ANK3: variants seen among roughly 807,000 people sequenced by gnomAD.
ANK3 encodes the protein ankyrin-3.
Under a neutral mutation model 370.9 loss-of-function variants are expected in ANK3, and 57 were observed. The ratio of observed to expected loss-of-function variants is 0.15; its 90% CI spans 0.12 to 0.19. The LOEUF (loss-of-function observed/expected upper bound fraction) is 0.19, where lower values mean the gene tolerates loss of function less well. ANK3 is among the 10% of genes least tolerant of loss of function. The pLI, the probability that ANK3 is intolerant of heterozygous loss-of-function variation, is 1.00. For missense variants in ANK3, 4,439 were observed against 5,302.1 expected, an observed-to-expected ratio of 0.84 and a Z score of 5.06; for synonymous variants, 1,929 against 1,946.3, an observed-to-expected ratio of 0.99 and a Z score of 0.23.
chr10:60,518,070 T>G (rs1468373413), intron 2 of ANK3, among the ~76,000 whole-genome samples: 2 of 152,100 alleles, frequency 1.3e-5, no homozygotes, highest in Non-Finnish European at 2.9e-5. Context: ...AAATACTGAA[T>G]AAATGTAGCC....
intron 8 of ANK3, among the ~76,000 whole-genome samples, chr10:60,224,115 G>A (rs1042357845): frequency 6.6e-6 from 1 of 152,070 alleles, no homozygotes; most frequent in Admixed American, 6.6e-5. Context: ...AATTTCGGGG[G>A]ATTGAGGGAG....
At position 60,573,074 on chromosome 10, in the gene ANK3, G is replaced by T. The variant is rs923226884; in HGVS notation, c.96+42112C>A. The T allele has an allele frequency of 4.6e-6, 4 of 867,352 alleles. No homozygotes were observed. In the African/African-American group the frequency reaches 5.5e-5, roughly 12 times the overall value. The allele number at this position is 867,352 out of a possible 1,614,324, so 53.7% of individuals were successfully genotyped here. On this transcript the variant is annotated intron_variant, in intron 2 of 43. Coordinates refer to the ANK3 transcript ENST00000373827. Reference sequence around the variant, plus strand: ...TCCCATACTAACACATGTGTTGAATGCATCAGGGCATACCGGAGGAGGCAG... The same window carrying T: ...TCCCATACTAACACATGTGTTGAATTCATCAGGGCATACCGGAGGAGGCAG...
intron 2 of ANK3, among the ~76,000 whole-genome samples, chr10:60,397,483 T>C (rs1357238405): frequency 6.6e-6 from 1 of 152,176 alleles, no homozygotes; most frequent in Non-Finnish European, 1.5e-5. Context: ...ATAAGCAATG[T>C]CTATGAAGCA....
intron 20 of ANK3, 45 bp downstream of exon 20, chr10:60,172,855 C>T: frequency 7.7e-7 from 1 of 1,292,056 alleles, no homozygotes; most frequent in Non-Finnish European, 1.1e-6. Context: ...AGTCCAGGCC[C>T]ATCTATCTCC....
chr10:60,209,687 C>T (rs10740015), intron 9 of ANK3, among the ~76,000 whole-genome samples: 76,076 of 151,986 alleles, frequency 0.5, 20,420 homozygotes, highest in East Asian at 0.79. Context: ...ATTTGAGATA[C>T]TGCTACCCAC....
At chr10:60,089,833 T>A (rs1340788953) in intron 28 of ANK3, among the ~76,000 whole-genome samples, 6 of 152,074 alleles carry the variant, frequency 3.9e-5, no homozygotes, top group African/African-American at 1.4e-4. Context: ...ACATATACTT[T>A]TATATATGTA....
Position 60,315,418 on chromosome 10 carries a change from C to T in ANK3, c.115-35779G>A, listed in dbSNP as rs187202361. On this transcript the variant is annotated intron_variant, in intron 1 of 43. Coordinates refer to ENST00000280772, the MANE Select transcript of ANK3 (RefSeq NM_020987.5). ...GTTAAATCCAGTAAATGCAATGACC[C>T]TTCCAAGAACCCAAGAAGAAGTTGG... 5.4e-3 allele frequency among the ~76,000 whole-genome samples: 827 copies of T among 152,146 alleles called. 7 individuals carry two copies. Among genetic ancestry groups the T allele is most frequent in the Non-Finnish European group, 5.2e-3 (352 of 68,022 alleles).
chr10:60,034,145 C>T (rs1440066245), intron 43 of ANK3, among the ~76,000 whole-genome samples: 7 of 116,982 alleles, frequency 6.0e-5, no homozygotes, highest in East Asian at 2.5e-4. Context: ...CTTGCTCTGT[C>T]GCCCATGCTG....
chr10:60,195,975 T>C (rs1270259831), intron 16 of ANK3, among the ~76,000 whole-genome samples, 170 bp downstream of exon 16: 2 of 152,208 alleles, frequency 1.3e-5, no homozygotes, highest in African/African-American at 4.8e-5. Context: ...TCTACCATAT[T>C]AGCAGACTAA....
intron 1 of ANK3, among the ~76,000 whole-genome samples, chr10:60,713,293 T>C (rs140904362): frequency 6.6e-6 from 1 of 151,826 alleles, no homozygotes; most frequent in African/African-American, 2.4e-5. Context: ...TATAAACAAG[T>C]AATAGAAAGA....
At chr10:60,542,459 C>T (rs1201768481) in intron 2 of ANK3, among the ~76,000 whole-genome samples, 3 of 151,666 alleles carry the variant, frequency 2.0e-5, no homozygotes, top group African/African-American at 4.8e-5. Context: ...GGTTTTATTT[C>T]GTTTTTGTTT....
chr10:60,304,988 C>A (rs980350334), intron 1 of ANK3, among the ~76,000 whole-genome samples: 2 of 152,178 alleles, frequency 1.3e-5, no homozygotes, highest in Non-Finnish European at 2.9e-5. Context: ...CCAGTCCTCT[C>A]TGGAAAATAG....
intron 1 of ANK3, among the ~76,000 whole-genome samples, chr10:60,661,505 T>C (rs1024394589): frequency 6.6e-6 from 1 of 152,180 alleles, no homozygotes; most frequent in African/African-American, 2.4e-5. Context: ...CTTTAGCCTA[T>C]ACAAACTTCA....
chr10:60,380,106 G>T (rs1014713862), intron 1 of ANK3, among the ~76,000 whole-genome samples: 15 of 152,004 alleles, frequency 9.9e-5, no homozygotes, highest in African/African-American at 3.6e-4. Flanking sequence ...AGCATTAATA[G>T]AATTATAGTA....
Position 60,027,804 on chromosome 10 carries a change from T to C in ANK3, c.*2042A>G, listed in dbSNP as rs2072477248. 1 of 152,172 alleles carries C rather than the reference T, an allele frequency of 6.6e-6. No homozygotes were observed. The highest frequency in any genetic ancestry group is 1.5e-5 in the Non-Finnish European group (1 of 68,032). The allele number at this position is 152,172 out of a possible 1,614,324, so 9.4% of individuals were successfully genotyped here. ...CAGTAGAATTTAGATTCACGCAGTG[T>C]ATGGGTTGCAAATTCACAGTCAGGT... On this transcript the variant is annotated 3_prime_UTR_variant, in exon 44 of 44. Coordinates refer to ENST00000280772, the MANE Select transcript of ANK3 (RefSeq NM_020987.5).
chr10:60,108,139 GAAAA>G, intron 27 of ANK3: 1 of 341,778 alleles, frequency 2.9e-6, no homozygotes, highest in Non-Finnish European at 5.8e-6. Flanking sequence ...ATTGAAAATG[GAAAA>G]AAAAAAATTG....
intron 2 of ANK3, among the ~76,000 whole-genome samples, chr10:60,415,690 G>C (rs1341376809): frequency 6.6e-6 from 1 of 151,962 alleles, no homozygotes; most frequent in African/African-American, 2.4e-5. Flanking sequence ...AGTATTTTTT[G>C]TGACCAAAAG....
rs1309566670 is a variant in ANK3 at position 60,348,362 on chromosome 10, A to C, written c.114+41063T>G. Among the ~76,000 whole-genome samples the C allele has an allele frequency of 2.0e-3, 229 of 114,072 alleles. 2 individuals are homozygous for C. The highest frequency in any genetic ancestry group is 6.7e-3 in the African/African-American group (223 of 33,402). The allele number at this position is 114,072 out of a possible 152,430, so 74.8% of individuals were successfully genotyped here. On this transcript the variant is annotated intron_variant, in intron 1 of 43. Coordinates refer to ENST00000280772, the MANE Select transcript of ANK3 (RefSeq NM_020987.5). ...TATCACTAGCCAAAAAAAAAAAAAA[A>C]AAAAAAAACACAAAAAACAAAAAAA... is the stretch of plus-strand genomic sequence containing the variant.
intron 25 of ANK3, among the ~76,000 whole-genome samples, 157 bp downstream of exon 25, chr10:60,134,114 G>A (rs1292992259): frequency 8.0e-6 from 1 of 125,774 alleles, no homozygotes; most frequent in African/African-American, 3.3e-5. Context: ...TCTGCTTATA[G>A]TACAACTTAT....
Sources: allele counts gnomAD v4.1 joint callset (sites outside exome capture counted in the v4.1 genomes callset), GRCh38; gene constraint gnomAD v4.1.1; transcripts MANE v1.5; gene names NCBI Gene and HGNC (gene_info 2026-07-23, HGNC 2026-07-21).